BACH2: variants seen among roughly 807,000 people sequenced by gnomAD.
BACH2 encodes BACH transcriptional regulator 2.
In BACH2, 5 loss-of-function variants were observed where a neutral mutation model predicts 61.8. That is an observed-to-expected ratio of 0.08 (90% CI 0.04 to 0.17). The LOEUF (loss-of-function observed/expected upper bound fraction) is 0.17, where lower values mean the gene tolerates loss of function less well. Among genes scored for constraint, BACH2 ranks in the 10% least tolerant of loss-of-function variants. The pLI, the probability that BACH2 is intolerant of heterozygous loss-of-function variation, is 1.00. For synonymous variants in BACH2, 446 were observed against 440.1 expected, an observed-to-expected ratio of 1.01 and a Z score of -0.17; for missense variants, 824 against 1,091.1, an observed-to-expected ratio of 0.76 and a Z score of 3.45.
intron 5 of BACH2, among the ~76,000 whole-genome samples, chr6:90,053,910 T>A (rs1471787481): frequency 6.6e-6 from 1 of 152,150 alleles, no homozygotes; most frequent in East Asian, 1.9e-4. Flanking sequence ...CCTTTTTATT[T>A]GTCTGTTTAG....
chr6:90,146,882 C>A (rs905632162), intron 4 of BACH2, among the ~76,000 whole-genome samples: 5 of 152,130 alleles, frequency 3.3e-5, no homozygotes, highest in Admixed American at 6.6e-5. Flanking sequence ...TAAAACTATT[C>A]ATTTCAGATA....
intron 6 of BACH2, among the ~76,000 whole-genome samples, chr6:89,954,445 C>A (rs1382663703): frequency 1.0e-5 from 1 of 97,686 alleles, no homozygotes; most frequent in Non-Finnish European, 2.0e-5. Context: ...GCTATCCCTC[C>A]CCCCTCCCCC....
intron 3 of BACH2, among the ~76,000 whole-genome samples, chr6:90,216,204 T>C (rs1000634449): frequency 1.3e-5 from 2 of 152,172 alleles, no homozygotes; most frequent in African/African-American, 2.4e-5. Flanking sequence ...ACACTAGTCC[T>C]CACAAAACAA....
intron 3 of BACH2, among the ~76,000 whole-genome samples, chr6:90,251,092 G>A (rs1770792383): frequency 6.6e-6 from 1 of 152,022 alleles, no homozygotes; most frequent in South Asian, 2.1e-4. Flanking sequence ...ACTATTTTCA[G>A]TTGGAACTAC....
chr6:90,259,131 C>G (rs916058125), intron 2 of BACH2, among the ~76,000 whole-genome samples: 6 of 152,168 alleles, frequency 3.9e-5, no homozygotes, highest in African/African-American at 1.4e-4. Context: ...AGTGGGCATC[C>G]ATGCCTGCCT....
intron 3 of BACH2, among the ~76,000 whole-genome samples, chr6:90,214,096 T>C (rs1452805006): frequency 6.6e-6 from 1 of 152,208 alleles, no homozygotes; most frequent in Non-Finnish European, 1.5e-5. Context: ...GTCCTATTAA[T>C]AAATTAAGGA....
intron 3 of BACH2, among the ~76,000 whole-genome samples, chr6:90,218,984 A>G (rs1769644727): frequency 6.6e-6 from 1 of 151,628 alleles, no homozygotes; most frequent in Admixed American, 6.6e-5. Flanking sequence ...TGCACGCAAG[A>G]GAGATTGAGA....
At chr6:90,271,634 A>C (rs1771528526) in intron 2 of BACH2, among the ~76,000 whole-genome samples, 1 of 152,222 alleles carries the variant, frequency 6.6e-6, no homozygotes, top group Non-Finnish European at 1.5e-5. Flanking sequence ...AACAAACATA[A>C]GAAAAAATGC....
rs184775375 is a variant in BACH2 at position 90,237,619 on chromosome 6, T to C, written c.-275+14894A>G. ...ACTGGTGAAAAATTTACCAAACCAA[T>C]AGTTTACTTTCTCTTAAATGTAAAA... On this transcript the variant is annotated intron_variant, in intron 3 of 8. Coordinates refer to ENST00000257749, the MANE Select transcript of BACH2 (RefSeq NM_021813.4). Among the ~76,000 whole-genome samples, 608 of 139,060 alleles carry C rather than the reference T, an allele frequency of 4.4e-3. 4 individuals carry two copies. The highest frequency in any genetic ancestry group is 0.014 in the African/African-American group (553 of 40,854). 91.2% of individuals were successfully genotyped at this position (139,060 alleles called of 152,430 possible).
At chr6:89,977,243 T>C (rs1271257234) in intron 6 of BACH2, among the ~76,000 whole-genome samples, 2 of 152,218 alleles carry the variant, frequency 1.3e-5, no homozygotes, top group Non-Finnish European at 2.9e-5. Flanking sequence ...ACTTTTCAAA[T>C]TTATGAAAAA....
intron 6 of BACH2, among the ~76,000 whole-genome samples, chr6:89,997,005 G>GCACACACACACACA (rs60037899): frequency 6.7e-6 from 1 of 149,518 alleles, no homozygotes; most frequent in African/African-American, 2.5e-5. Flanking sequence ...ATGCACACGG[G>GCACACACACACACA]CACACACACA....
At chr6:90,207,523 G>C (rs1769191017) in intron 3 of BACH2, among the ~76,000 whole-genome samples, 1 of 152,160 alleles carries the variant, frequency 6.6e-6, no homozygotes, top group Admixed American at 6.6e-5. Context: ...AGGTGGAACT[G>C]AGAGGAGAGC....
chr6:90,180,158 A>G (rs78691404), intron 4 of BACH2, among the ~76,000 whole-genome samples: 11,459 of 152,194 alleles, frequency 0.075, 534 homozygotes, highest in South Asian at 0.14. Context: ...TCAAGAAACA[A>G]TATATGAAAA....
At chr6:90,128,901 T>TG (rs1783982433) in intron 4 of BACH2, among the ~76,000 whole-genome samples, 1 of 152,188 alleles carries the variant, frequency 6.6e-6, no homozygotes, top group South Asian at 2.1e-4. Flanking sequence ...GATGAGTTCA[T>TG]GTCCTTTGTG....
intron 1 of BACH2, among the ~76,000 whole-genome samples, chr6:90,275,963 C>A (rs1001647231): frequency 1.4e-5 from 2 of 138,836 alleles, no homozygotes; most frequent in Non-Finnish European, 3.3e-5. Context: ...GGCTAGATTT[C>A]GTCTTAAAAA....
At position 89,931,537 on chromosome 6, in the gene BACH2, C is replaced by T. The variant is rs1457351903; in HGVS notation, c.*871G>A. The T allele has an allele frequency of 6.6e-6, 1 of 152,290 alleles. No individual in the cohort carries two copies. The highest frequency in any genetic ancestry group is 2.4e-5 in the African/African-American group (1 of 41,294). The allele number at this position is 152,290 out of a possible 1,614,324, so 9.4% of individuals were successfully genotyped here. A position where few individuals can be genotyped will look rare whatever the true frequency, so the allele number is the denominator to read the frequency against. On this transcript the variant is annotated 3_prime_UTR_variant, in exon 9 of 9. Coordinates refer to ENST00000257749, the MANE Select transcript of BACH2 (RefSeq NM_021813.4). ...CTTCATTTAAGAAAATAGGTTTGAC[C>T]CAAAACTCAGTGCAAGTGGCAAAGT...
At chr6:90,219,974 T>C (rs1582501022) in intron 3 of BACH2, among the ~76,000 whole-genome samples, 1 of 152,044 alleles carries the variant, frequency 6.6e-6, no homozygotes. Flanking sequence ...TTTTTTTTTT[T>C]CCGCCTAAAC....
intron 2 of BACH2, among the ~76,000 whole-genome samples, chr6:90,258,192 T>C (rs899359574): frequency 2.0e-5 from 3 of 152,326 alleles, no homozygotes; most frequent in Admixed American, 2.0e-4. Flanking sequence ...AGTTTTATAG[T>C]TTCTGCTTTT....
intron 7 of BACH2, among the ~76,000 whole-genome samples, chr6:89,947,267 A>T (rs1303436075): frequency 1.3e-5 from 2 of 152,158 alleles, no homozygotes; most frequent in Non-Finnish European, 2.9e-5. Flanking sequence ...CTTGTGGAGA[A>T]GGATCTGCCT....
Sources: gnomAD v4.1 joint callset for allele counts (sites outside exome capture counted in the v4.1 genomes callset) on GRCh38, gnomAD v4.1.1 for gene constraint, MANE v1.5 for transcripts, NCBI Gene and HGNC (gene_info 2026-07-23, HGNC 2026-07-21) for gene names.